The following C5 variants were observed in gnomAD, a reference collection of about 807,000 sequenced individuals.
C5 encodes the protein C3 and PZP-like alpha-2-macroglobulin domain-containing protein 4.
Under a neutral mutation model 218.8 loss-of-function variants are expected in C5, and 140 were observed. The observed-to-expected ratio is 0.64, with a 90% CI of 0.56 to 0.74. The LOEUF (loss-of-function observed/expected upper bound fraction) is 0.74. Ranked by LOEUF, C5 falls within the 30% of genes least tolerant of loss-of-function variation. The probability of loss-of-function intolerance (pLI) is 0.00; values close to 1 mark genes in which losing one functional copy is unlikely to be tolerated. For synonymous variants in C5, 614 were observed against 682.3 expected (o/e 0.90, Z 1.56); for missense variants, 1,700 against 1,969.6 (o/e 0.86, Z 2.59).
chr9:120,993,458 T>C (rs1015599542), intron 22 of C5, among the ~76,000 whole-genome samples: 2 of 152,270 alleles, frequency 1.3e-5, no homozygotes, highest in Non-Finnish European at 1.5e-5. Flanking sequence ...AGTCTCGCTC[T>C]GTCGCCCAGG....
intron 5 of C5, among the ~76,000 whole-genome samples, 189 bp from the exon 6 acceptor site, chr9:121,032,384 T>C (rs2047483637): frequency 6.6e-6 from 1 of 152,196 alleles, no homozygotes; most frequent in Non-Finnish European, 1.5e-5. Flanking sequence ...TAATAGATAA[T>C]AGATATTGTT....
intron 8 of C5, among the ~76,000 whole-genome samples, chr9:121,026,911 T>A (rs929295852): frequency 6.6e-5 from 10 of 151,808 alleles, no homozygotes; most frequent in Non-Finnish European, 1.3e-4. Context: ...GAGACTTTGG[T>A]CAGTTAGAGA....
chr9:120,976,939 T>A, intron 28 of C5, 34 bp from the exon 29 acceptor site: 1 of 1,553,642 alleles, frequency 6.4e-7, no homozygotes. Flanking sequence ...ATTAATATGA[T>A]TAAAAATGTG....
chr9:120,985,780 A>G (rs902391518), intron 25 of C5, among the ~76,000 whole-genome samples: 4 of 152,222 alleles, frequency 2.6e-5, no homozygotes, highest in Non-Finnish European at 5.9e-5. Flanking sequence ...TTCATTTTGG[A>G]AGCAAATAAC....
chr9:121,020,328 G>A lies in C5; in HGVS notation c.1303-149C>T, dbSNP rs569539477. 43 of 680,458 alleles carry A rather than the reference G, an allele frequency of 6.3e-5. No individual in the cohort carries two copies. In the South Asian group the frequency reaches 7.3e-4, roughly 12 times the overall value. The allele number at this position is 680,458 out of a possible 1,614,324, so 42.2% of individuals were successfully genotyped here. A position where few individuals can be genotyped will look rare whatever the true frequency, so the allele number is the denominator to read the frequency against. On this transcript the variant is annotated intron_variant, in intron 11 of 40. Transcript: ENST00000223642. ...GGAAAAAACCCTCCATTACTTCAGT[G>A]TTTATACAGCTGTGGTGTCAAGCAA...
In C5 at chr9:120,976,742, T is replaced by C. The variant is rs1186424470; in HGVS notation, c.3822A>G (p.Leu1274=). 1.2e-6 allele frequency: 2 copies of C among 1,614,200 alleles called. No individual in the cohort carries two copies. Among genetic ancestry groups the C allele is most frequent in the Middle Eastern group, 1.6e-4 (1 of 6,062 alleles). ...INYVNPVIKW[L]SEEQRYGGGF... ...CACCTCCATACCTCTGCTCTTCTGA[T>C]AGCCATTTGATGACTGGGTTAACAT... The change falls in exon 29 of 41, where the codon CTA becomes CTG. Residue 1274 remains leucine, a synonymous_variant. Coordinates refer to ENST00000223642, the MANE Select transcript of C5 (RefSeq NM_001735.3).
intron 20 of C5, 68 bp from the exon 21 acceptor site, chr9:120,997,842 GC>G: frequency 7.3e-7 from 1 of 1,360,886 alleles, no homozygotes; most frequent in Non-Finnish European, 1.0e-6. Context: ...TTGCTATGTC[GC>G]CCAGGCTGGA....
At chr9:121,008,179 T>C (rs2047231643) in intron 18 of C5, among the ~76,000 whole-genome samples, 1 of 152,176 alleles carries the variant, frequency 6.6e-6, no homozygotes, top group Admixed American at 6.5e-5. Context: ...TAAAATTAAA[T>C]GGAATAGCAC....
At chr9:120,998,046 G>A (rs1046347314) in intron 20 of C5, among the ~76,000 whole-genome samples, 5 of 151,998 alleles carry the variant, frequency 3.3e-5, no homozygotes, top group Admixed American at 6.6e-5. Context: ...CAGGTGATCC[G>A]CCCACCTCAG....
the C5 span, among the ~76,000 whole-genome samples, chr9:121,072,643 C>T: frequency 2.0e-5 from 3 of 151,620 alleles, no homozygotes; most frequent in Non-Finnish European, 2.9e-5. Flanking sequence ...TCTGTTTCTA[C>T]TAAAATACAA....
chr9:120,993,826 AAAC>A (rs1402364436), intron 22 of C5, among the ~76,000 whole-genome samples: 2 of 152,234 alleles, frequency 1.3e-5, no homozygotes, highest in Middle Eastern at 3.2e-3. Context: ...CATACATACA[AAAC>A]AACATTACCT....
the C5 span, among the ~76,000 whole-genome samples, chr9:121,066,311 T>TA: frequency 0.033 from 2,128 of 64,194 alleles, 37 homozygotes; most frequent in African/African-American, 0.055. Flanking sequence ...GACTCCATCT[T>TA]AAAAAAAAAA....
chr9:121,010,772 A>C (rs1377276839), intron 17 of C5, among the ~76,000 whole-genome samples: 1 of 152,180 alleles, frequency 6.6e-6, no homozygotes, highest in Non-Finnish European at 1.5e-5. Context: ...GTAGTGGCAT[A>C]AAAGCAGACA....
the C5 span, among the ~76,000 whole-genome samples, chr9:121,067,406 CA>C: frequency 2.0e-5 from 3 of 150,754 alleles, no homozygotes; most frequent in Non-Finnish European, 1.5e-5. Context: ...ACTAAAAATA[CA>C]AAAAAAATTA....
chr9:120,960,354 T>G lies in C5; in HGVS notation c.4589-17A>C. On this transcript the variant is annotated splice_polypyrimidine_tract_variant and intron_variant, in intron 37 of 40. Coordinates refer to ENST00000223642, the MANE Select transcript of C5 (RefSeq NM_001735.3). ...CACAATCAGCTGGATTTTGTGAAAA[T>G]TGGTAAAAATAAGGTTAATGGAAAG... 6.3e-7 allele frequency: 1 copy of G among 1,576,304 alleles called. No individual in the cohort carries two copies. The highest frequency in any genetic ancestry group is 8.7e-7 in the Non-Finnish European group (1 of 1,147,156).
At chr9:121,044,763 A>G (rs1242813204) in intron 2 of C5, among the ~76,000 whole-genome samples, 3 of 152,200 alleles carry the variant, frequency 2.0e-5, no homozygotes, top group Non-Finnish European at 4.4e-5. Context: ...GAAATATTCT[A>G]TATCTATGCT....
chr9:121,027,976 A>G (rs2047439313), intron 7 of C5, among the ~76,000 whole-genome samples: 1 of 152,156 alleles, frequency 6.6e-6, no homozygotes, highest in South Asian at 2.1e-4. Context: ...GAATCTACAA[A>G]GAACTTAAAC....
At chr9:120,975,548 A>G (rs1159128971) in intron 29 of C5, among the ~76,000 whole-genome samples, 1 of 152,148 alleles carries the variant, frequency 6.6e-6, no homozygotes, top group East Asian at 1.9e-4. Context: ...TGTTTGGGTC[A>G]TGGGGCGTAC....
chr9:121,073,547 CG>C, the C5 span, among the ~76,000 whole-genome samples: 1 of 128,608 alleles, frequency 7.8e-6, no homozygotes, highest in Non-Finnish European at 1.6e-5. Context: ...GATGGAGTCT[CG>C]CTCTGTCGTC....
Sources: allele counts gnomAD v4.1 joint callset (sites outside exome capture counted in the v4.1 genomes callset), GRCh38; gene constraint gnomAD v4.1.1; transcripts MANE v1.5; gene names NCBI Gene and HGNC (gene_info 2026-07-23, HGNC 2026-07-21).